PTPRU: variants seen among roughly 807,000 people sequenced by gnomAD.
The protein encoded by PTPRU is protein tyrosine phosphatase receptor type U.
In PTPRU, 69 loss-of-function variants were observed where a neutral mutation model predicts 166.3. That is an observed-to-expected ratio of 0.41 (90% confidence interval 0.34 to 0.51). The LOEUF is 0.51. Ranked by LOEUF, PTPRU falls within the 20% of genes least tolerant of loss-of-function variation. PTPRU has a pLI of 0.09. For synonymous variants in PTPRU, 793 were observed against 814.0 expected (o/e 0.97, Z 0.44); for missense variants, 1,657 against 2,013.7 (o/e 0.82, Z 3.39).
rs1685744559 is a variant in PTPRU, at chr1:29,275,352, T to C, written c.1145-96T>C. On this transcript the variant is annotated intron_variant, in intron 7 of 29. Transcript: ENST00000373779. ...GCTCTTGGGGGCAATGGAGGGATGA[T>C]TTCAGGCAGCTGACTGATGCTTTCT... 3 of 1,339,756 alleles carry C rather than the reference T, an allele frequency of 2.2e-6. No homozygotes were observed. In the African/African-American group the frequency reaches 4.4e-5, roughly 20 times the overall value. The allele number at this position is 1,339,756 out of a possible 1,614,324, so 83.0% of individuals were successfully genotyped here.
chr1:29,311,625 G>A lies in PTPRU; in HGVS notation c.2956-18G>A, dbSNP rs748141984. ...GGCAGCAAAGAGCCCACTGAGTCCC[G>A]TCCTGTGGGGCCTCTAGGTGAAATG... On this transcript the variant is annotated intron_variant, in intron 20 of 29. Coordinates refer to ENST00000373779, the MANE Select transcript of PTPRU (RefSeq NM_133178.4). The surrounding 1 kb of genome is among the most constrained non-coding windows in gnomAD (Gnocchi z 4.1). 1.1e-5 allele frequency: 17 copies of A among 1,613,764 alleles called. No individual in the cohort carries two copies. In the South Asian group the frequency reaches 1.1e-4, roughly 10 times the overall value.
At position 29,260,177 on chromosome 1, in the gene PTPRU, A is replaced by C; in HGVS notation, c.850+133A>C. The C allele has an allele frequency of 9.4e-7, 1 of 1,068,178 alleles. No individual in the cohort carries two copies. The highest frequency in any genetic ancestry group is 1.2e-6 in the Non-Finnish European group (1 of 808,224). 66.2% of individuals were successfully genotyped at this position (1,068,178 alleles called of 1,614,324 possible). A position where few individuals can be genotyped will look rare whatever the true frequency, so the allele number is the denominator to read the frequency against. On this transcript the variant is annotated intron_variant, in intron 6 of 29. Coordinates refer to ENST00000373779, the MANE Select transcript of PTPRU (RefSeq NM_133178.4). The surrounding 1 kb of genome is among the most constrained non-coding windows in gnomAD (Gnocchi z 8.3). ...AGGGTGTCGCTGGGGCGCTATCTGA[A>C]GATGGGCCTGTGGAAATGGCAGTGG...
chr1:29,268,808 C>T (rs1261259679), intron 7 of PTPRU, among the ~76,000 whole-genome samples: 1 of 152,162 alleles, frequency 6.6e-6, no homozygotes, highest in African/African-American at 2.4e-5. Context: ...CCTTAGTGTA[C>T]AGATGGGGAA....
chr1:29,247,958 G>A (rs1234139934), intron 1 of PTPRU, among the ~76,000 whole-genome samples: 1 of 152,144 alleles, frequency 6.6e-6, no homozygotes, highest in Non-Finnish European at 1.5e-5. Context: ...TTAGAAAATG[G>A]GCATACTGCT....
In PTPRU at chr1:29,280,184, G is replaced by GA. The variant is rs1685998225; in HGVS notation, c.1868+46dup. 6.5e-7 allele frequency: 1 copy of GA among 1,533,206 alleles called. No homozygotes were observed. Among genetic ancestry groups the GA allele is most frequent in the Non-Finnish European group, 9.0e-7 (1 of 1,110,516 alleles). The allele number at this position is 1,533,206 out of a possible 1,614,324, so 95.0% of individuals were successfully genotyped here. A position where few individuals can be genotyped will look rare whatever the true frequency, so the allele number is the denominator to read the frequency against. ...GAGGGGTGGGAGTCCAGGGCCTTAG[G>GA]AAAGAGGCCCCTCCTCTGACCCAGA... On this transcript the variant is annotated intron_variant, in intron 11 of 29. Coordinates refer to ENST00000373779, the MANE Select transcript of PTPRU (RefSeq NM_133178.4). The surrounding 1 kb of genome is among the most constrained non-coding windows in gnomAD (Gnocchi z 4.2).
chr1:29,258,419 G>C (rs1320152490), intron 2 of PTPRU, 86 bp from the exon 3 acceptor site: 1 of 1,451,798 alleles, frequency 6.9e-7, no homozygotes, highest in African/African-American at 1.4e-5. Context: ...CCGTTGCCTG[G>C]AGTCCTCCTC....
intron 16 of PTPRU, 146 bp downstream of exon 16, chr1:29,304,191 A>C: frequency 2.1e-6 from 2 of 935,272 alleles, no homozygotes; most frequent in East Asian, 2.7e-5. Context: ...TTTGACCTCG[A>C]CTCTGACCCT....
intron 7 of PTPRU, among the ~76,000 whole-genome samples, chr1:29,272,525 G>A (rs555394736): frequency 6.6e-5 from 10 of 152,316 alleles, no homozygotes; most frequent in African/African-American, 2.2e-4. Context: ...TGTTACTGGT[G>A]CACTCCCAAG....
chr1:29,325,369 G>C (rs1389108619), intron 29 of PTPRU, 43 bp downstream of exon 29: 2 of 1,606,192 alleles, frequency 1.2e-6, no homozygotes, highest in African/African-American at 2.7e-5. Context: ...CACCTTCCTG[G>C]TCCATGCCAG....
rs1684952499 is a variant in PTPRU, at chr1:29,259,712, C to T, written c.675+148C>T. 12 of 1,258,372 alleles carry T rather than the reference C, an allele frequency of 9.5e-6. No individual in the cohort carries two copies. The East Asian group carries it at 3.1e-4, about 32-fold the overall frequency. 78.0% of individuals were successfully genotyped at this position (1,258,372 alleles called of 1,614,324 possible). ...CCGGCCCTCCCCTAGCTCTGCTCTGCGCTTTCTTGGGTCCCCCATTCCCCC... is the reference window on the plus strand; with the variant it reads ...CCGGCCCTCCCCTAGCTCTGCTCTGTGCTTTCTTGGGTCCCCCATTCCCCC... On this transcript the variant is annotated intron_variant, in intron 5 of 29. Coordinates refer to ENST00000373779, the MANE Select transcript of PTPRU (RefSeq NM_133178.4).
intron 5 of PTPRU, 110 bp downstream of exon 5, chr1:29,259,674 T>A (rs956130747): frequency 2.4e-6 from 3 of 1,267,320 alleles, no homozygotes; most frequent in Non-Finnish European, 3.2e-6. Flanking sequence ...ACTCCAGCAC[T>A]GCGCACAGCG....
chr1:29,273,658 C>T (rs892425309), intron 7 of PTPRU, among the ~76,000 whole-genome samples: 1 of 152,142 alleles, frequency 6.6e-6, no homozygotes, highest in Non-Finnish European at 1.5e-5. Flanking sequence ...CTGCCTGGGC[C>T]TCCCAAAGTG....
chr1:29,325,233 G>A lies in PTPRU; in HGVS notation c.4155G>A (p.Thr1385=), dbSNP rs1409664993. 1.2e-6 allele frequency: 2 copies of A among 1,614,074 alleles called. No individual in the cohort carries two copies. Among genetic ancestry groups the A allele is most frequent in the Middle Eastern group, 1.6e-4 (1 of 6,084 alleles). ...GRSGTFCACA[T]VLEMIRCHNL... ...GCGGCACCTTCTGCGCCTGCGCCAC[G>A]GTCCTGGAGATGATCCGCTGCCACA... Residue 1385 remains threonine, a synonymous_variant, in exon 29 of 30, where the codon ACG becomes ACA. Transcript: ENST00000373779.
rs918097528 is a variant in PTPRU at position 29,311,706 on chromosome 1, G to C, written c.3019G>C (p.Val1007Leu). The change falls in exon 21 of 30, where the codon GTG becomes CTG. Residue 1007 changes from valine to leucine, a missense_variant. Around this residue, in one of 3 missense-constraint regions of PTPRU, gnomAD observed 1,190 missense variants for 1,477.4 expected, o/e 0.81. Transcript: ENST00000373779. This position sits in a 1 kb window ranked among gnomAD's most constrained non-coding sequence, Gnocchi z 4.1. The stretch of plus-strand genomic sequence containing the variant: ...CTACGGGGACATCAAGATTATGCTG[G>C]TGAAGACAGAGACCCTGGCTGAGTA... ...DTYGDIKIML[V>L]KTETLAEYVV... The C allele has an allele frequency of 3.7e-6, 6 of 1,614,114 alleles. No homozygotes were observed. The highest frequency in any genetic ancestry group is 4.2e-6 in the Non-Finnish European group (5 of 1,180,044).
At chr1:29,318,751 C>T (rs552497850) in intron 25 of PTPRU, among the ~76,000 whole-genome samples, 86 of 152,324 alleles carry the variant, frequency 5.6e-4, no homozygotes, top group Non-Finnish European at 1.0e-3. Flanking sequence ...GGAGCAGGAG[C>T]AATTGAGTGC....
chr1:29,239,754 A>G (rs953586827), intron 1 of PTPRU, among the ~76,000 whole-genome samples: 17 of 151,828 alleles, frequency 1.1e-4, no homozygotes, highest in African/African-American at 4.1e-4. Context: ...CTGCCCTCTC[A>G]GAGACTCTTT....
intron 1 of PTPRU, among the ~76,000 whole-genome samples, chr1:29,245,054 C>T (rs1473095186): frequency 6.6e-6 from 1 of 152,136 alleles, no homozygotes; most frequent in Non-Finnish European, 1.5e-5. Flanking sequence ...TCCTGCTCAC[C>T]CTGTCCCAGG....
In PTPRU at chr1:29,249,313, CG is replaced by C. The variant is rs1189033575; in HGVS notation, c.74-5960del. ...TACATCACCCCATCCTGAGCCCAGC[CG>C]GATGTGGCTAAACCATCCCCCTGCC... On this transcript the variant is annotated intron_variant, in intron 1 of 29. Coordinates refer to ENST00000373779, the MANE Select transcript of PTPRU (RefSeq NM_133178.4). Among the ~76,000 whole-genome samples, 3 of 152,258 alleles carry C rather than the reference CG, an allele frequency of 2.0e-5. No individual in the cohort carries two copies. The East Asian group carries it at 5.8e-4, about 29-fold the overall frequency.
At chr1:29,289,700 A>T in intron 14 of PTPRU, 1 of 1,613,232 alleles carries the variant, frequency 6.2e-7, no homozygotes, top group Non-Finnish European at 8.5e-7. Context: ...CACTATGCCT[A>T]CTCCTACTAC....
Sources: gnomAD v4.1 joint callset for allele counts (sites outside exome capture counted in the v4.1 genomes callset) on GRCh38, gnomAD v4.1.1 for gene constraint, gnomAD v4.1.1 regional missense constraint, Gnocchi (gnomAD v3.1) non-coding constraint, MANE v1.5 for transcripts, NCBI Gene and HGNC (gene_info 2026-07-23, HGNC 2026-07-21) for gene names.